Variants in STXBP5L observed in about 807,000 individuals in gnomAD.
STXBP5L encodes the protein syntaxin-binding protein 5-like.
A neutral mutation model predicts 144.5 loss-of-function variants in STXBP5L; 65 were observed. The ratio of observed to expected loss-of-function variants is 0.45; its 90% CI spans 0.37 to 0.55. STXBP5L has a LOEUF of 0.55. Ranked by LOEUF, STXBP5L falls within the 20% of genes least tolerant of loss-of-function variation. The pLI is 0.00. For synonymous variants in STXBP5L, 505 were observed against 469.6 expected (o/e 1.08, Z -0.97); for missense variants, 1,298 against 1,405.5 (o/e 0.92, Z 1.22).
chr3:120,941,123 G>A (rs1710546737), intron 2 of STXBP5L, among the ~76,000 whole-genome samples: 1 of 151,674 alleles, frequency 6.6e-6, no homozygotes, highest in Admixed American at 6.6e-5. Flanking sequence ...TTTGGGGTAA[G>A]ATTAACAGTG....
At chr3:121,331,358 T>A (rs1157025151) in intron 20 of STXBP5L, among the ~76,000 whole-genome samples, 1 of 152,154 alleles carries the variant, frequency 6.6e-6, no homozygotes, top group Non-Finnish European at 1.5e-5. Flanking sequence ...CCATGGGAGC[T>A]TAGCATGAGT....
chr3:121,202,228 C>A (rs2048167335), intron 9 of STXBP5L, among the ~76,000 whole-genome samples: 1 of 152,092 alleles, frequency 6.6e-6, no homozygotes, highest in Non-Finnish European at 1.5e-5. Flanking sequence ...GAATCTGTTA[C>A]ATTGATGTTT....
chr3:121,031,880 A>T (rs1946394017), intron 3 of STXBP5L, among the ~76,000 whole-genome samples: 1 of 152,112 alleles, frequency 6.6e-6, no homozygotes, highest in Non-Finnish European at 1.5e-5. Flanking sequence ...TTTGGAATAG[A>T]ATAACAGATG....
At chr3:121,358,515 T>A (rs1163009436) in intron 20 of STXBP5L, among the ~76,000 whole-genome samples, 1 of 152,046 alleles carries the variant, frequency 6.6e-6, no homozygotes, top group African/African-American at 2.4e-5. Context: ...AACAACCAGA[T>A]CTTGTGAGAA....
intron 20 of STXBP5L, among the ~76,000 whole-genome samples, chr3:121,319,119 G>A (rs924226977): frequency 1.3e-5 from 2 of 151,964 alleles, no homozygotes; most frequent in African/African-American, 4.8e-5. Flanking sequence ...AGTTATTTTT[G>A]GGTGGTGGGA....
intron 5 of STXBP5L, among the ~76,000 whole-genome samples, chr3:121,056,824 A>G (rs1948492602): frequency 6.6e-6 from 1 of 151,880 alleles, no homozygotes; most frequent in African/African-American, 2.4e-5. Context: ...TCTTTCTTAT[A>G]TGTACATAAG....
At chr3:121,369,686 A>T (rs1236681509) in intron 20 of STXBP5L, among the ~76,000 whole-genome samples, 1 of 152,014 alleles carries the variant, frequency 6.6e-6, no homozygotes, top group Non-Finnish European at 1.5e-5. Flanking sequence ...TCTGGCTTGT[A>T]GGTTTTCTGC....
intron 14 of STXBP5L, among the ~76,000 whole-genome samples, chr3:121,248,887 C>T (rs2049943744): frequency 6.6e-6 from 1 of 152,076 alleles, no homozygotes; most frequent in Non-Finnish European, 1.5e-5. Context: ...TCCCAGCACC[C>T]CTTTATTGAA....
intron 8 of STXBP5L, among the ~76,000 whole-genome samples, chr3:121,154,560 A>T (rs921319781): frequency 2.6e-5 from 4 of 151,514 alleles, no homozygotes; most frequent in Non-Finnish European, 5.9e-5. Context: ...CCTTTACGTT[A>T]TTGATATTCT....
intron 3 of STXBP5L, among the ~76,000 whole-genome samples, chr3:121,021,626 T>C (rs1945561076): frequency 6.6e-6 from 1 of 152,128 alleles, no homozygotes; most frequent in African/African-American, 2.4e-5. Flanking sequence ...CTCAAAACCA[T>C]GCAAATAATG....
chr3:121,334,136 C>T (rs2044420209), intron 20 of STXBP5L, among the ~76,000 whole-genome samples: 1 of 152,052 alleles, frequency 6.6e-6, no homozygotes, highest in Non-Finnish European at 1.5e-5. Context: ...TCCTTTTTGC[C>T]TTCCACCATG....
intron 10 of STXBP5L, among the ~76,000 whole-genome samples, chr3:121,208,867 A>G (rs1404747333): frequency 6.6e-6 from 1 of 151,962 alleles, no homozygotes; most frequent in Admixed American, 6.6e-5. Context: ...TGCTGCACCC[A>G]TCATCTACAT....
chr3:120,963,596 C>G (rs541163612), intron 3 of STXBP5L, among the ~76,000 whole-genome samples: 6 of 152,248 alleles, frequency 3.9e-5, no homozygotes, highest in African/African-American at 1.4e-4. Context: ...ATATGTTGAA[C>G]CAGTCTTGCA....
intron 10 of STXBP5L, among the ~76,000 whole-genome samples, chr3:121,210,459 C>T (rs1464960317): frequency 2.6e-5 from 4 of 152,108 alleles, no homozygotes; most frequent in Non-Finnish European, 5.9e-5. Context: ...TCAGTTTTGG[C>T]TTTTGTTGCC....
chr3:121,110,855 C>T (rs1172517031), intron 5 of STXBP5L, among the ~76,000 whole-genome samples: 3 of 152,202 alleles, frequency 2.0e-5, no homozygotes, highest in Admixed American at 1.3e-4. Context: ...CTGTCTCTTT[C>T]AGGTACTTCA....
At chr3:121,006,325 T>C (rs2108088865) in intron 3 of STXBP5L, among the ~76,000 whole-genome samples, 1 of 152,306 alleles carries the variant, frequency 6.6e-6, no homozygotes, top group South Asian at 2.1e-4. Flanking sequence ...TTTGTCTCTT[T>C]TGATCTTTGT....
chr3:121,220,992 A>G (rs1354609185), intron 10 of STXBP5L, among the ~76,000 whole-genome samples: 2 of 152,024 alleles, frequency 1.3e-5, no homozygotes, highest in Non-Finnish European at 1.5e-5. Context: ...GAGGCAATAT[A>G]TAGGAGTGTT....
chr3:121,192,319 A>G (rs989910836), intron 9 of STXBP5L, among the ~76,000 whole-genome samples: 2 of 152,184 alleles, frequency 1.3e-5, no homozygotes, highest in Admixed American at 1.3e-4. Context: ...AGGAAATAAA[A>G]GGGGACACAA....
chr3:120,980,845 A>G (rs1032902033), intron 3 of STXBP5L, among the ~76,000 whole-genome samples: 2 of 152,158 alleles, frequency 1.3e-5, no homozygotes, highest in South Asian at 2.1e-4. Flanking sequence ...GGCATTGCCC[A>G]TTCATTTCCA....
Sources: gnomAD v4.1 joint callset for allele counts (sites outside exome capture counted in the v4.1 genomes callset) on GRCh38, gnomAD v4.1.1 for gene constraint, MANE v1.5 for transcripts, NCBI Gene and HGNC (gene_info 2026-07-23, HGNC 2026-07-21) for gene names.